NOVA1: variants seen among roughly 807,000 people sequenced by gnomAD.
The protein encoded by NOVA1 is NOVA alternative splicing regulator 1, also known as RNA-binding protein Nova-1.
In NOVA1, 7 loss-of-function variants were observed where a neutral mutation model predicts 38.0. The observed-to-expected ratio is 0.18, with a 90% CI of 0.10 to 0.35. The LOEUF (loss-of-function observed/expected upper bound fraction) is 0.35, where lower values mean the gene tolerates loss of function less well. Among genes scored for constraint, NOVA1 ranks in the 10% least tolerant of loss-of-function variants. NOVA1 has a pLI of 1.00. For missense variants in NOVA1, 460 were observed against 616.0 expected, an observed-to-expected ratio of 0.75 and a Z score of 2.68; for synonymous variants, 270 against 232.5, an observed-to-expected ratio of 1.16 and a Z score of -1.47.
chr14:26,465,211 G>A (rs1884015688), intron 4 of NOVA1, among the ~76,000 whole-genome samples: 1 of 152,082 alleles, frequency 6.6e-6, no homozygotes, highest in African/African-American at 2.4e-5. Flanking sequence ...GTCTTGCTCT[G>A]TTGCCCAGGC....
At chr14:26,590,933 T>C (rs1190951752) in intron 2 of NOVA1, among the ~76,000 whole-genome samples, 6 of 151,762 alleles carry the variant, frequency 4.0e-5, no homozygotes, top group Non-Finnish European at 7.4e-5. Flanking sequence ...TAACTTACTC[T>C]GTCAACATCA....
In NOVA1 at chr14:26,443,890, C is replaced by A. The variant is rs1881873648; in HGVS notation, c.*4069G>T. On this transcript the variant is annotated 3_prime_UTR_variant, in exon 5 of 5. Transcript: ENST00000539517. The stretch of plus-strand genomic sequence containing the variant: ...TAATGAGTGATGAATATTTCTCCTA[C>A]TAACAGAGTAACTAGTCTCAAATAG... 6.6e-6 allele frequency: 1 copy of A among 151,984 alleles called. No individual in the cohort carries two copies. Among genetic ancestry groups the A allele is most frequent in the Non-Finnish European group, 1.5e-5 (1 of 67,958 alleles). 9.4% of individuals were successfully genotyped at this position (151,984 alleles called of 1,614,324 possible).
chr14:26,563,317 T>C (rs1362122594), intron 2 of NOVA1, among the ~76,000 whole-genome samples: 1 of 145,876 alleles, frequency 6.9e-6, no homozygotes, highest in Non-Finnish European at 1.5e-5. Flanking sequence ...ATAAGAACAA[T>C]ATGTCACATT....
intron 4 of NOVA1, among the ~76,000 whole-genome samples, chr14:26,470,668 T>C (rs1486282826): frequency 1.3e-5 from 2 of 152,124 alleles, no homozygotes; most frequent in Non-Finnish European, 2.9e-5. Flanking sequence ...CTAAAATATA[T>C]AATTTGCCTT....
At chr14:26,584,608 T>C (rs1352172893) in intron 2 of NOVA1, among the ~76,000 whole-genome samples, 1 of 151,288 alleles carries the variant, frequency 6.6e-6, no homozygotes, top group East Asian at 1.9e-4. Context: ...CCAACAGCAA[T>C]ATCCACTTTT....
intron 2 of NOVA1, among the ~76,000 whole-genome samples, chr14:26,503,628 T>C (rs405797): frequency 1.1e-4 from 17 of 151,782 alleles, no homozygotes; most frequent in African/African-American, 4.1e-4. Context: ...TCATTTTTTT[T>C]TAAAAATTAA....
intron 2 of NOVA1, among the ~76,000 whole-genome samples, chr14:26,580,072 C>G (rs950176849): frequency 6.6e-5 from 10 of 151,434 alleles, no homozygotes; most frequent in African/African-American, 2.4e-4. Flanking sequence ...CTAAAAAAAT[C>G]TTACTAACAG....
chr14:26,484,445 A>C (rs932656835), intron 2 of NOVA1, among the ~76,000 whole-genome samples: 4 of 150,464 alleles, frequency 2.7e-5, no homozygotes, highest in Admixed American at 6.6e-5. Flanking sequence ...AAAAAAAAAA[A>C]AAAAAAAAAA....
intron 2 of NOVA1, among the ~76,000 whole-genome samples, chr14:26,591,698 G>T (rs1893851592): frequency 1.3e-5 from 2 of 151,152 alleles, no homozygotes; most frequent in African/African-American, 4.9e-5. Context: ...GTTTAATTTG[G>T]CCACTATATT....
Position 26,470,185 on chromosome 14 carries a change from T to C in NOVA1, c.519+2135A>G, listed in dbSNP as rs980248104. 12 of 898,874 alleles carry C rather than the reference T, an allele frequency of 1.3e-5. No homozygotes were observed. The African/African-American group carries it at 1.8e-4, about 14-fold the overall frequency. 55.7% of individuals were successfully genotyped at this position (898,874 alleles called of 1,614,324 possible). The stretch of plus-strand genomic sequence containing the variant: ...AGTCCATTAGTTCTTTTCATTACAA[T>C]TAGCTTAAGATGATCATATTAAAAC... On this transcript the variant is annotated intron_variant, in intron 4 of 4. Transcript: ENST00000539517.
chr14:26,497,284 A>T (rs1437495657), intron 2 of NOVA1, among the ~76,000 whole-genome samples: 1 of 152,168 alleles, frequency 6.6e-6, no homozygotes, highest in African/African-American at 2.4e-5. Context: ...CCACTGCTCA[A>T]TGAAATAAAA....
rs115644705 is a variant in NOVA1 at position 26,552,456 on chromosome 14, T to C, written c.280+42954A>G. Reference sequence around the variant, plus strand: ...AATGGGAATATGCAGTTAGAAATAATAAAAGTGATAAAAATTAAAATTATA... The same window carrying C: ...AATGGGAATATGCAGTTAGAAATAACAAAAGTGATAAAAATTAAAATTATA... On this transcript the variant is annotated intron_variant, in intron 2 of 4. Coordinates refer to ENST00000539517, the MANE Select transcript of NOVA1 (RefSeq NM_002515.3). Among the ~76,000 whole-genome samples, 512 of 152,216 alleles carry C rather than the reference T, an allele frequency of 3.4e-3. 4 individuals carry two copies. The highest frequency in any genetic ancestry group is 0.012 in the African/African-American group (492 of 41,550).
intron 4 of NOVA1, 140 bp from the exon 5 acceptor site, chr14:26,449,103 T>G: frequency 1.3e-6 from 1 of 798,536 alleles, no homozygotes; most frequent in Non-Finnish European, 1.8e-6. Flanking sequence ...AACTTTAAAG[T>G]GACTTTTATC....
rs541476534 is a variant in NOVA1, at chr14:26,497,186, C to T, written c.281-17043G>A. Among the ~76,000 whole-genome samples, 71 of 152,226 alleles carry T rather than the reference C, an allele frequency of 4.7e-4. 1 individual carries two copies. Among genetic ancestry groups the T allele is most frequent in the Non-Finnish European group, 3.5e-4 (24 of 68,020 alleles). ...CAGAGAGCCAAATCATGAGTGAACT[C>T]CCATTCACAATTGCTTCTAAGAGAA... On this transcript the variant is annotated intron_variant, in intron 2 of 4. Transcript: ENST00000539517.
At chr14:26,517,027 T>G (rs2138484329) in intron 2 of NOVA1, among the ~76,000 whole-genome samples, 1 of 151,832 alleles carries the variant, frequency 6.6e-6, no homozygotes, top group East Asian at 2.0e-4. Flanking sequence ...TGCCTCAGCC[T>G]TCCGAGTAGC....
intron 4 of NOVA1, among the ~76,000 whole-genome samples, chr14:26,463,109 C>T (rs1883826729): frequency 6.6e-6 from 1 of 152,112 alleles, no homozygotes; most frequent in South Asian, 2.1e-4. Flanking sequence ...AATAGCTTCA[C>T]CAGATACTAT....
At chr14:26,582,622 A>C (rs1566558040) in intron 2 of NOVA1, among the ~76,000 whole-genome samples, 1 of 151,818 alleles carries the variant, frequency 6.6e-6, no homozygotes, top group Non-Finnish European at 1.5e-5. Context: ...TCCTTAACAA[A>C]ATATACATAA....
chr14:26,571,651 G>C (rs1168018466), intron 2 of NOVA1, among the ~76,000 whole-genome samples: 1 of 152,124 alleles, frequency 6.6e-6, no homozygotes, highest in Non-Finnish European at 1.5e-5. Flanking sequence ...TCTCACATCA[G>C]GTTTTAACTG....
intron 4 of NOVA1, among the ~76,000 whole-genome samples, chr14:26,459,063 T>C (rs1455381579): frequency 1.3e-5 from 2 of 152,088 alleles, no homozygotes; most frequent in African/African-American, 4.8e-5. Flanking sequence ...TGTACAGTAA[T>C]GTCCCAGACC....
Sources: gnomAD v4.1 joint callset for allele counts (sites outside exome capture counted in the v4.1 genomes callset) on GRCh38, gnomAD v4.1.1 for gene constraint, MANE v1.5 for transcripts, NCBI Gene and HGNC (gene_info 2026-07-23, HGNC 2026-07-21) for gene names.